LTBP1: variants seen among roughly 807,000 people sequenced by gnomAD.
LTBP1 encodes the protein latent transforming growth factor beta binding protein 1, also known as latent-transforming growth factor beta-binding protein 1.
In LTBP1, 129 loss-of-function variants were observed where a neutral mutation model predicts 207.6. The observed-to-expected ratio is 0.62, with a 90% CI of 0.54 to 0.72. LTBP1 has a LOEUF of 0.72. LTBP1 is among the 30% of genes least tolerant of loss of function. LTBP1 has a pLI of 0.00. For missense variants in LTBP1, 2,281 were observed against 2,217.2 expected (o/e 1.03, Z -0.58); for synonymous variants, 963 against 833.7 (o/e 1.16, Z -2.67).
At chr2:33,197,339 GAAAACATTTGC>G (rs1231473742) in intron 7 of LTBP1, among the ~76,000 whole-genome samples, 5 of 152,178 alleles carry the variant, frequency 3.3e-5, no homozygotes, top group Non-Finnish European at 7.3e-5. Flanking sequence ...ACATATATGT[GAAAACATTTGC>G]AAGAGTTTGC....
intron 2 of LTBP1, among the ~76,000 whole-genome samples, chr2:33,005,045 A>G (rs1686631615): frequency 6.6e-6 from 1 of 151,878 alleles, no homozygotes; most frequent in African/African-American, 2.4e-5. Flanking sequence ...TTTTATTTTG[A>G]CGACTTGTTC....
intron 5 of LTBP1, among the ~76,000 whole-genome samples, chr2:33,156,979 A>G (rs2084028067): frequency 6.6e-6 from 1 of 152,212 alleles, no homozygotes. Flanking sequence ...GAAGAAATTT[A>G]CAAACTTGAC....
intron 3 of LTBP1, among the ~76,000 whole-genome samples, chr2:33,070,790 C>T (rs970960568): frequency 6.6e-6 from 1 of 152,114 alleles, no homozygotes; most frequent in Non-Finnish European, 1.5e-5. Flanking sequence ...TCAGAGGAGA[C>T]CCCAGTAGAG....
rs61357622 is a variant in LTBP1 at position 33,352,970 on chromosome 2, C to CTTT, written c.4000+5484_4000+5486dup. Among the ~76,000 whole-genome samples the CTTT allele has an allele frequency of 7.1e-4, 66 of 93,216 alleles. 2 individuals carry two copies. The highest frequency in any genetic ancestry group is 2.4e-3 in the African/African-American group (51 of 20,976). The allele number at this position is 93,216 out of a possible 152,430, so 61.2% of individuals were successfully genotyped here. ...TGTGCCCTCCCCCTTGTAAGCCTTT[C>CTTT]TTTTTTTTTTTTTTTTTTTTTTTTT... On this transcript the variant is annotated intron_variant, in intron 26 of 33. Transcript: ENST00000404816.
intron 22 of LTBP1, among the ~76,000 whole-genome samples, chr2:33,303,398 T>TG (rs1237933633): frequency 6.7e-6 from 1 of 148,494 alleles, no homozygotes; most frequent in Non-Finnish European, 1.5e-5. Flanking sequence ...TCACCCAGGC[T>TG]GAGGGCAGTG....
At chr2:33,196,453 T>TG (rs761124039) in intron 7 of LTBP1, among the ~76,000 whole-genome samples, 49 of 151,928 alleles carry the variant, frequency 3.2e-4, no homozygotes, top group Admixed American at 5.9e-4. Flanking sequence ...GAGTGTTGGG[T>TG]GAGTGTGAGG....
rs1487109569 is a variant in LTBP1 at position 33,105,754 on chromosome 2, G to A, written c.864-4828G>A. ...AATCTTTTTGCTGGTAGAGAGTCTT[G>A]CCTTGATGTTGGTGTCTGCTGAGTG... On this transcript the variant is annotated intron_variant, in intron 3 of 33. Coordinates refer to ENST00000404816, the MANE Select transcript of LTBP1 (RefSeq NM_206943.4). 2.0e-5 allele frequency among the ~76,000 whole-genome samples: 3 copies of A among 152,268 alleles called. No homozygotes were observed. The East Asian group carries it at 5.8e-4, about 29-fold the overall frequency.
At chr2:33,357,644 CTTG>C (rs949012295) in intron 26 of LTBP1, among the ~76,000 whole-genome samples, 8 of 152,268 alleles carry the variant, frequency 5.3e-5, no homozygotes, top group South Asian at 4.1e-4. Context: ...ACCGAACTTT[CTTG>C]TTGTTACCGG....
intron 9 of LTBP1, among the ~76,000 whole-genome samples, chr2:33,229,003 C>G (rs1005065605): frequency 2.6e-5 from 4 of 151,880 alleles, no homozygotes; most frequent in African/African-American, 4.8e-5. Flanking sequence ...CCGGCCCTAA[C>G]CAGGGTTATA....
intron 31 of LTBP1, among the ~76,000 whole-genome samples, chr2:33,378,820 G>A (rs192391167): frequency 4.6e-5 from 7 of 152,312 alleles, no homozygotes; most frequent in East Asian, 1.9e-4. Context: ...CAGGCAAGCC[G>A]GGCAGAGGAG....
chr2:33,139,897 T>C (rs2082504795), intron 5 of LTBP1, among the ~76,000 whole-genome samples: 2 of 152,246 alleles, frequency 1.3e-5, no homozygotes, highest in Admixed American at 6.5e-5. Flanking sequence ...TGCAAGGCTG[T>C]GGAACACCTT....
intron 2 of LTBP1, among the ~76,000 whole-genome samples, chr2:32,994,417 T>A (rs193171511): frequency 1.4e-3 from 219 of 152,142 alleles, no homozygotes; most frequent in African/African-American, 5.1e-3. Context: ...AGAACCAAGA[T>A]TATACCATCT....
chr2:33,377,255 A>G (rs2095152111), intron 31 of LTBP1, among the ~76,000 whole-genome samples: 1 of 152,190 alleles, frequency 6.6e-6, no homozygotes, highest in Non-Finnish European at 1.5e-5. Flanking sequence ...AGTATTTGGA[A>G]CGCCGACCAG....
chr2:33,384,975 G>A (rs1021320331), intron 31 of LTBP1, among the ~76,000 whole-genome samples: 6 of 152,142 alleles, frequency 3.9e-5, no homozygotes, highest in Admixed American at 3.9e-4. Context: ...GAAAGATGGT[G>A]AAATCCACTT....
rs1687832863 is a variant in LTBP1 at position 33,012,646 on chromosome 2, C to G, written c.566-8263C>G. 2.6e-5 allele frequency among the ~76,000 whole-genome samples: 4 copies of G among 152,260 alleles called. No individual in the cohort carries two copies. The South Asian group carries it at 8.3e-4, about 32-fold the overall frequency. ...GAAATTTGTCTCCATCTTTTGTCTGCAGTTCTTGGCACAATGCAGGCATTT... is the reference window on the plus strand; with the variant it reads ...GAAATTTGTCTCCATCTTTTGTCTGGAGTTCTTGGCACAATGCAGGCATTT... On this transcript the variant is annotated intron_variant, in intron 2 of 33. Transcript: ENST00000404816.
rs549084263 is a variant in LTBP1 at position 33,141,285 on chromosome 2, C to T, written c.1201+6325C>T. ...AGAATGGTGGTTGCCAGGGGTCACC[C>T]GGGTGGAATGGGGAGTTGTTTAATG... On this transcript the variant is annotated intron_variant, in intron 5 of 33. Transcript: ENST00000404816. Among the ~76,000 whole-genome samples the T allele has an allele frequency of 6.6e-5, 10 of 152,214 alleles. 1 individual carries two copies. Among genetic ancestry groups the T allele is most frequent in the South Asian group, 6.2e-4 (3 of 4,822 alleles).
At chr2:33,130,168 G>C (rs1211587545) in intron 4 of LTBP1, among the ~76,000 whole-genome samples, 1 of 152,190 alleles carries the variant, frequency 6.6e-6, no homozygotes, top group Non-Finnish European at 1.5e-5. Flanking sequence ...TGGACTGCAA[G>C]TGGGAGAATG....
At chr2:33,001,445 G>A (rs1686052822) in intron 2 of LTBP1, among the ~76,000 whole-genome samples, 1 of 134,916 alleles carries the variant, frequency 7.4e-6, no homozygotes, top group African/African-American at 2.6e-5. Flanking sequence ...CTGGTCTGGT[G>A]ACCACACCTA....
chr2:33,379,506 G>C (rs977025052), intron 31 of LTBP1, among the ~76,000 whole-genome samples: 1 of 152,160 alleles, frequency 6.6e-6, no homozygotes, highest in Non-Finnish European at 1.5e-5. Flanking sequence ...CACCGTGCCC[G>C]GCCCTGCCAT....
Sources: allele counts gnomAD v4.1 joint callset (sites outside exome capture counted in the v4.1 genomes callset), GRCh38; gene constraint gnomAD v4.1.1; transcripts MANE v1.5; gene names NCBI Gene and HGNC (gene_info 2026-07-23, HGNC 2026-07-21).